Variants in VTI1A observed in about 807,000 individuals in gnomAD.
VTI1A encodes the protein vesicle transport through interaction with t-SNAREs 1A.
VTI1A carries 22 observed loss-of-function variants against 34.9 expected under a neutral mutation model. The ratio of observed to expected loss-of-function variants is 0.63; its 90% confidence interval spans 0.45 to 0.90. VTI1A has a LOEUF of 0.90. VTI1A is among the 40% of genes least tolerant of loss of function. The pLI, the probability that VTI1A is intolerant of heterozygous loss-of-function variation, is 0.00. For synonymous variants in VTI1A, 87 were observed against 97.3 expected, an observed-to-expected ratio of 0.89 and a Z score of 0.62; for missense variants, 268 against 275.6, an observed-to-expected ratio of 0.97 and a Z score of 0.20.
At chr10:112,640,137 T>C (rs1207544644) in intron 5 of VTI1A, among the ~76,000 whole-genome samples, 2 of 152,230 alleles carry the variant, frequency 1.3e-5, no homozygotes, top group Non-Finnish European at 2.9e-5. Context: ...TAAATCATTT[T>C]TATTTTTAAA....
At position 112,659,569 on chromosome 10, in the gene VTI1A, T is replaced by A. The variant is rs1039031219; in HGVS notation, c.428-8649T>A. Among the ~76,000 whole-genome samples the A allele has an allele frequency of 1.6e-4, 25 of 152,316 alleles. 2 individuals are homozygous for A. The highest frequency in any genetic ancestry group is 1.2e-3 in the Admixed American group (19 of 15,300). The stretch of plus-strand genomic sequence containing the variant: ...TAAGGGGAGGTTCTGCTACTATGAC[T>A]TTGATGAAAGTAGCACTGATGATTT... On this transcript the variant is annotated intron_variant, in intron 5 of 7. Coordinates refer to ENST00000393077, the MANE Select transcript of VTI1A (RefSeq NM_145206.4).
rs367623681 is a variant in VTI1A, at chr10:112,674,236, A to G, written c.560+5238A>G. On this transcript the variant is annotated intron_variant, in intron 7 of 7. Transcript: ENST00000393077. Reference sequence around the variant, plus strand: ...CCTGACCTGAAATTAGTGTAGCAAAATCTCAATGTCTAAACTGTTCTTCAG... The same window carrying G: ...CCTGACCTGAAATTAGTGTAGCAAAGTCTCAATGTCTAAACTGTTCTTCAG... 1.7e-4 allele frequency among the ~76,000 whole-genome samples: 26 copies of G among 152,312 alleles called. No homozygotes were observed. In the East Asian group the frequency reaches 3.1e-3, roughly 18 times the overall value.
At chr10:112,525,446 T>C (rs1407709493) in intron 3 of VTI1A, among the ~76,000 whole-genome samples, 1 of 152,126 alleles carries the variant, frequency 6.6e-6, no homozygotes, top group Non-Finnish European at 1.5e-5. Flanking sequence ...AGAGGAACTT[T>C]TGTGTGGTAG....
intron 7 of VTI1A, among the ~76,000 whole-genome samples, chr10:112,724,473 C>T (rs74156807): frequency 0.013 from 1,917 of 152,090 alleles, 39 homozygotes; most frequent in African/African-American, 0.043. Flanking sequence ...TTGCCTCTTC[C>T]AGGGTAGATC....
At chr10:112,833,854 A>ATT in the VTI1A span, among the ~76,000 whole-genome samples, 3 of 152,134 alleles carry the variant, frequency 2.0e-5, no homozygotes, top group African/African-American at 7.2e-5. Context: ...AAAATGCAGT[A>ATT]ACTTCAAATT....
At chr10:112,672,704 G>T (rs1336205158) in intron 7 of VTI1A, 1 of 152,146 alleles carries the variant, frequency 6.6e-6, no homozygotes, top group Non-Finnish European at 1.5e-5. Context: ...TTATGTGTGT[G>T]TCTGTGTGTG....
At chr10:112,748,662 G>C (rs933728798) in intron 7 of VTI1A, among the ~76,000 whole-genome samples, 9 of 115,330 alleles carry the variant, frequency 7.8e-5, no homozygotes, top group Non-Finnish European at 1.6e-5. Context: ...GTCTCGCTCT[G>C]TCGCCCAGGC....
At chr10:112,588,511 T>C (rs1308700612) in intron 5 of VTI1A, among the ~76,000 whole-genome samples, 1 of 152,194 alleles carries the variant, frequency 6.6e-6, no homozygotes, top group Non-Finnish European at 1.5e-5. Context: ...AAATTAGGTT[T>C]CTCTATTCAG....
At chr10:112,780,535 G>A (rs112083197) in intron 7 of VTI1A, among the ~76,000 whole-genome samples, 1 of 151,828 alleles carries the variant, frequency 6.6e-6, no homozygotes, top group East Asian at 1.9e-4. Context: ...TCCAGTGGAG[G>A]TTTTCTAAAA....
chr10:112,807,424 C>A (rs983192921), intron 7 of VTI1A, among the ~76,000 whole-genome samples: 8 of 152,180 alleles, frequency 5.3e-5, no homozygotes, highest in African/African-American at 1.9e-4. Flanking sequence ...CTTCTGGTGG[C>A]CCAACATTCC....
chr10:112,586,057 A>G (rs909153906), intron 5 of VTI1A, among the ~76,000 whole-genome samples: 1 of 151,920 alleles, frequency 6.6e-6, no homozygotes, highest in Non-Finnish European at 1.5e-5. Context: ...AAACCCAGAA[A>G]TGTACCAAAA....
intron 5 of VTI1A, among the ~76,000 whole-genome samples, chr10:112,547,653 C>T (rs923957939): frequency 6.6e-6 from 1 of 152,008 alleles, no homozygotes; most frequent in Non-Finnish European, 1.5e-5. Context: ...CTTCCACTGA[C>T]CTGTTTTACA....
intron 7 of VTI1A, among the ~76,000 whole-genome samples, chr10:112,784,019 A>G (rs1852212387): frequency 6.6e-6 from 1 of 152,262 alleles, no homozygotes; most frequent in African/African-American, 2.4e-5. Context: ...AAATGGGGTG[A>G]GGACAAGGAA....
chr10:112,822,988 C>T (rs561806485), downstream of VTI1A, among the ~76,000 whole-genome samples: 3 of 152,214 alleles, frequency 2.0e-5, no homozygotes, highest in Admixed American at 6.5e-5. Context: ...ACTCCAATCC[C>T]GGGCAAGGTC....
intron 5 of VTI1A, among the ~76,000 whole-genome samples, chr10:112,577,577 G>A (rs1039024136): frequency 3.3e-5 from 5 of 152,140 alleles, no homozygotes; most frequent in Admixed American, 6.5e-5. Context: ...TCCCCTGTGG[G>A]GATAACATTG....
intron 3 of VTI1A, among the ~76,000 whole-genome samples, chr10:112,513,457 A>G (rs1399794020): frequency 3.3e-5 from 5 of 152,086 alleles, no homozygotes; most frequent in Non-Finnish European, 5.9e-5. Flanking sequence ...AGGGTTTTCT[A>G]TATATAAGGT....
At chr10:112,697,034 G>A (rs1848814010) in intron 7 of VTI1A, among the ~76,000 whole-genome samples, 1 of 152,024 alleles carries the variant, frequency 6.6e-6, no homozygotes, top group Admixed American at 6.6e-5. Context: ...TGATGTATCA[G>A]TTTTTCTTTA....
intron 7 of VTI1A, among the ~76,000 whole-genome samples, chr10:112,740,064 G>A (rs930525244): frequency 5.9e-5 from 9 of 152,146 alleles, no homozygotes; most frequent in Non-Finnish European, 1.2e-4. Flanking sequence ...GAATGGTTTC[G>A]TCATTTTGTT....
chr10:112,551,136 C>T (rs1401871485), intron 5 of VTI1A, among the ~76,000 whole-genome samples: 8 of 151,168 alleles, frequency 5.3e-5, no homozygotes, highest in Non-Finnish European at 1.0e-4. Context: ...CCCAGCTACT[C>T]CGGAGGCTGA....
Sources: gnomAD v4.1 joint callset for allele counts (sites outside exome capture counted in the v4.1 genomes callset) on GRCh38, gnomAD v4.1.1 for gene constraint, MANE v1.5 for transcripts, NCBI Gene and HGNC (gene_info 2026-07-23, HGNC 2026-07-21) for gene names.